The following CELF2 variants were observed in gnomAD, a reference collection of about 807,000 sequenced individuals.
The protein encoded by CELF2 is CUG triplet repeat RNA-binding protein 2.
In CELF2, 8 loss-of-function variants were observed where a neutral mutation model predicts 62.6. That is an observed-to-expected ratio of 0.13 (90% CI 0.07 to 0.23). CELF2 has a LOEUF of 0.23. Among genes scored for constraint, CELF2 ranks in the 10% least tolerant of loss-of-function variants. The probability of loss-of-function intolerance (pLI) is 1.00; values close to 1 mark genes in which losing one functional copy is unlikely to be tolerated. For missense variants in CELF2, 333 were observed against 671.0 expected, an observed-to-expected ratio of 0.50 and a Z score of 5.56; for synonymous variants, 258 against 250.0, an observed-to-expected ratio of 1.03 and a Z score of -0.30.
intron 1 of CELF2, among the ~76,000 whole-genome samples, chr10:10,895,926 G>T (rs113614673): frequency 0.062 from 9,453 of 152,138 alleles, 408 homozygotes; most frequent in South Asian, 0.085. Flanking sequence ...TATTTGGAAG[G>T]GGAAGAAGGA....
At chr10:10,926,138 C>T (rs1417438373) in intron 2 of CELF2, among the ~76,000 whole-genome samples, 1 of 152,136 alleles carries the variant, frequency 6.6e-6, no homozygotes, top group African/African-American at 2.4e-5. Context: ...TCAGAGAAGG[C>T]CCAGGGTGAA....
At chr10:10,505,691 T>C in the CELF2 span, among the ~76,000 whole-genome samples, 1 of 152,312 alleles carries the variant, frequency 6.6e-6, no homozygotes, top group East Asian at 1.9e-4. Flanking sequence ...TCTGCTACTA[T>C]GAGTATGACT....
the CELF2 span, among the ~76,000 whole-genome samples, chr10:10,756,858 C>A: frequency 2.5e-4 from 38 of 152,052 alleles, no homozygotes; most frequent in Non-Finnish European, 1.2e-4. Context: ...AAAATAACTA[C>A]GGGGACTGGG....
At chr10:10,535,709 A>T in the CELF2 span, among the ~76,000 whole-genome samples, 1 of 152,030 alleles carries the variant, frequency 6.6e-6, no homozygotes, top group African/African-American at 2.4e-5. Flanking sequence ...ACAGAGTGAG[A>T]CTCTTTGTCT....
intron 2 of CELF2, among the ~76,000 whole-genome samples, chr10:10,975,636 G>A (rs908830652): frequency 6.6e-6 from 1 of 152,150 alleles, no homozygotes; most frequent in Non-Finnish European, 1.5e-5. Flanking sequence ...TTGATTAAGA[G>A]GAATCTGATT....
intron 1 of CELF2, among the ~76,000 whole-genome samples, chr10:11,050,960 G>A (rs1028628447): frequency 2.6e-5 from 4 of 152,168 alleles, no homozygotes; most frequent in East Asian, 1.9e-4. Context: ...TCCACTGTGA[G>A]GAAAGGAGTG....
Position 10,986,292 on chromosome 10 carries a change from A to G in CELF2, c.89+66293A>G, listed in dbSNP as rs190252777. On this transcript the variant is annotated intron_variant, in intron 2 of 13. Coordinates refer to the CELF2 transcript ENST00000636488. ...ATCTAGGATAAATCAAAATACCAAT[A>G]GAGATTTTTTCCCTCTAATATCTAA... Among the ~76,000 whole-genome samples the G allele has an allele frequency of 4.3e-3, 656 of 152,334 alleles. 9 individuals carry two copies. The highest frequency in any genetic ancestry group is 6.2e-3 in the Non-Finnish European group (424 of 68,030).
At chr10:10,698,081 T>C in the CELF2 span, among the ~76,000 whole-genome samples, 189 of 152,264 alleles carry the variant, frequency 1.2e-3, 1 homozygote, top group East Asian at 4.4e-3. Flanking sequence ...AACATATCAA[T>C]TGGGGGGTGG....
At chr10:10,736,545 A>G in the CELF2 span, among the ~76,000 whole-genome samples, 2 of 152,030 alleles carry the variant, frequency 1.3e-5, no homozygotes, top group South Asian at 4.1e-4. Flanking sequence ...AAGACAACTT[A>G]AGAGAAATAC....
At position 11,270,086 on chromosome 10, in the gene CELF2, A is replaced by G. The variant is rs1224733666; in HGVS notation, c.619-580A>G. Among the ~76,000 whole-genome samples, 2 of 152,204 alleles carry G rather than the reference A, an allele frequency of 1.3e-5. No individual in the cohort carries two copies. Among genetic ancestry groups the G allele is most frequent in the Non-Finnish European group, 2.9e-5 (2 of 68,036 alleles). On this transcript the variant is annotated intron_variant, in intron 6 of 12. Transcript: ENST00000633077. The surrounding 1 kb of genome is among the most constrained non-coding windows in gnomAD (Gnocchi z 5.8). ...TGGAGAATGCCTGTGTTCTCTGAAT[A>G]TCTTCTGCCCTCATCCTCAAAACTA...
At chr10:10,493,519 C>T in the CELF2 span, among the ~76,000 whole-genome samples, 9 of 10,294 alleles carry the variant, frequency 8.7e-4, no homozygotes, top group African/African-American at 1.4e-3. Context: ...GGATTTTGGG[C>T]GTTTTTTTTT....
chr10:10,635,538 G>A, the CELF2 span, among the ~76,000 whole-genome samples: 3 of 152,080 alleles, frequency 2.0e-5, no homozygotes, highest in Admixed American at 6.5e-5. Context: ...GTAGGGGGTG[G>A]CTATCTTTAA....
chr10:11,055,311 C>T lies in CELF2; in HGVS notation c.74+37148C>T, dbSNP rs527453481. 3.9e-5 allele frequency among the ~76,000 whole-genome samples: 6 copies of T among 152,294 alleles called. No homozygotes were observed. The East Asian group carries it at 1.2e-3, about 29-fold the overall frequency. On this transcript the variant is annotated intron_variant, in intron 1 of 12. Coordinates refer to ENST00000633077, the MANE Select transcript of CELF2 (RefSeq NM_001326342.2). ...GCCTTTACAAGTCCACATTGATACC[C>T]ATTATTCTGTATCTAGTACTACAGT...
chr10:10,802,443 C>T (rs1282000315), intron 1 of CELF2, among the ~76,000 whole-genome samples: 2 of 152,116 alleles, frequency 1.3e-5, no homozygotes, highest in African/African-American at 4.8e-5. Flanking sequence ...GCACTCCAGC[C>T]TGGGTGACAG....
At chr10:10,782,204 A>G in the CELF2 span, among the ~76,000 whole-genome samples, 2 of 152,228 alleles carry the variant, frequency 1.3e-5, no homozygotes, top group Admixed American at 1.3e-4. Context: ...GGTTCATGCT[A>G]TTATAAAGAC....
intron 10 of CELF2, among the ~76,000 whole-genome samples, chr10:11,320,354 G>A (rs10795860): frequency 0.7 from 106,642 of 152,114 alleles, 39,094 homozygotes; most frequent in Non-Finnish European, 0.82. Flanking sequence ...CTCTGTCTCC[G>A]GCTGACTGAA....
At chr10:10,569,448 C>T in the CELF2 span, among the ~76,000 whole-genome samples, 18 of 152,276 alleles carry the variant, frequency 1.2e-4, no homozygotes, top group African/African-American at 4.3e-4. Context: ...ATTTAATTAT[C>T]TCCAACGGGG....
intron 1 of CELF2, chr10:11,030,411 T>C (rs1156778675): frequency 6.6e-6 from 1 of 152,254 alleles, no homozygotes; most frequent in Non-Finnish European, 1.5e-5. Context: ...GTTGCACCTG[T>C]GTTTCTCATT....
At chr10:11,298,370 G>A (rs780413807) in intron 9 of CELF2, among the ~76,000 whole-genome samples, 4 of 152,256 alleles carry the variant, frequency 2.6e-5, no homozygotes, top group Non-Finnish European at 5.9e-5. Flanking sequence ...AGGTGGTGCA[G>A]CCTGAGGGAG....
Sources: allele counts gnomAD v4.1 joint callset (sites outside exome capture counted in the v4.1 genomes callset), GRCh38; gene constraint gnomAD v4.1.1; non-coding constraint Gnocchi (gnomAD v3.1); transcripts MANE v1.5; gene names NCBI Gene and HGNC (gene_info 2026-07-23, HGNC 2026-07-21).